The following FOCAD variants were observed in gnomAD, a reference collection of about 807,000 sequenced individuals.
FOCAD encodes the protein focadhesin.
A neutral mutation model predicts 225.6 loss-of-function variants in FOCAD; 198 were observed. The observed-to-expected ratio is 0.88, with a 90% CI of 0.78 to 0.99. FOCAD has a LOEUF of 0.99. Ranked by LOEUF, FOCAD falls within the 50% of genes least tolerant of loss-of-function variation. FOCAD has a pLI of 0.00. For missense variants in FOCAD, 2,713 were observed against 2,123.6 expected, an observed-to-expected ratio of 1.28 and a Z score of -5.46; for synonymous variants, 897 against 755.0, an observed-to-expected ratio of 1.19 and a Z score of -3.08.
intron 11 of FOCAD, among the ~76,000 whole-genome samples, chr9:20,802,897 G>A (rs1448659255): frequency 1.3e-5 from 2 of 152,108 alleles, no homozygotes; most frequent in Non-Finnish European, 2.9e-5. Context: ...TATCAGCAGG[G>A]ACTGGTACTT....
intron 4 of FOCAD, among the ~76,000 whole-genome samples, chr9:20,730,378 A>C (rs1213544923): frequency 6.6e-6 from 1 of 152,184 alleles, no homozygotes; most frequent in Non-Finnish European, 1.5e-5. Context: ...GGCAGGATAT[A>C]TATGTAATTC....
At chr9:20,937,580 A>T (rs1836124360) in intron 28 of FOCAD, among the ~76,000 whole-genome samples, 1 of 152,150 alleles carries the variant, frequency 6.6e-6, no homozygotes, top group Admixed American at 6.5e-5. Context: ...AAATTAATTC[A>T]AGATGGATTA....
intron 11 of FOCAD, among the ~76,000 whole-genome samples, chr9:20,797,053 C>T (rs1044682209): frequency 5.3e-5 from 8 of 152,174 alleles, no homozygotes; most frequent in African/African-American, 1.9e-4. Flanking sequence ...GTTTTCCCAC[C>T]ATCATTTATT....
chr9:20,937,326 C>G (rs1225360170), intron 28 of FOCAD, among the ~76,000 whole-genome samples: 15 of 151,508 alleles, frequency 9.9e-5, no homozygotes, highest in Non-Finnish European at 2.2e-4. Flanking sequence ...TGACTTCAAA[C>G]TATACTACAA....
intron 8 of FOCAD, among the ~76,000 whole-genome samples, chr9:20,775,169 T>C (rs567524533): frequency 6.6e-6 from 1 of 152,334 alleles, no homozygotes; most frequent in South Asian, 2.1e-4. Flanking sequence ...AAAATGGATT[T>C]ATTTCTTAGG....
chr9:20,986,165 G>A, intron 39 of FOCAD, 123 bp from the exon 40 acceptor site: 1 of 915,190 alleles, frequency 1.1e-6, no homozygotes, highest in Non-Finnish European at 1.5e-6. Context: ...GTCATGTGCT[G>A]CAGGAAATGA....
At chr9:20,951,501 A>C (rs541225478) in intron 34 of FOCAD, among the ~76,000 whole-genome samples, 2 of 152,274 alleles carry the variant, frequency 1.3e-5, no homozygotes, top group East Asian at 1.9e-4. Context: ...TAAAGCTTGG[A>C]ACAGATTTAT....
intron 2 of FOCAD, among the ~76,000 whole-genome samples, chr9:20,674,241 C>T (rs1245408569): frequency 6.6e-6 from 1 of 152,018 alleles, no homozygotes; most frequent in Non-Finnish European, 1.5e-5. Context: ...TATTTTTCTA[C>T]ATTTTATTAT....
In FOCAD at chr9:20,884,587, G is replaced by A. The variant is rs146680369; in HGVS notation, c.2504-522G>A. Among the ~76,000 whole-genome samples the A allele has an allele frequency of 7.2e-5, 11 of 151,988 alleles. No individual in the cohort carries two copies. The East Asian group carries it at 1.9e-3, about 27-fold the overall frequency. On this transcript the variant is annotated intron_variant, in intron 20 of 43. Transcript: ENST00000338382. ...GCTGGGATTACAGGTGTGAGCCACC[G>A]TGCCTGTCCCAATAGTATTTTAAAT...
intron 11 of FOCAD, among the ~76,000 whole-genome samples, chr9:20,797,099 T>C (rs1821200864): frequency 6.6e-6 from 1 of 152,166 alleles, no homozygotes; most frequent in South Asian, 2.1e-4. Context: ...TTGTTTTTTG[T>C]GAGGTCTGTC....
At chr9:20,789,888 C>G (rs1820344428) in intron 11 of FOCAD, among the ~76,000 whole-genome samples, 2 of 152,148 alleles carry the variant, frequency 1.3e-5, no homozygotes, top group South Asian at 4.2e-4. Flanking sequence ...GGTGGATTTG[C>G]TATTTTGTAA....
intron 12 of FOCAD, 79 bp from the exon 13 acceptor site, chr9:20,820,245 G>T (rs1824171476): frequency 1.1e-6 from 1 of 946,174 alleles, no homozygotes. Flanking sequence ...TATAACAAGG[G>T]GTTTAAAAAT....
intron 27 of FOCAD, among the ~76,000 whole-genome samples, chr9:20,930,366 A>G (rs1362329692): frequency 2.0e-5 from 3 of 152,358 alleles, no homozygotes; most frequent in African/African-American, 4.8e-5. Flanking sequence ...GTGGGCTACA[A>G]TATGAATACT....
chr9:20,719,381 C>A (rs192401564), intron 3 of FOCAD, among the ~76,000 whole-genome samples: 3 of 152,250 alleles, frequency 2.0e-5, no homozygotes, highest in Non-Finnish European at 4.4e-5. Context: ...CAGTGCCTGG[C>A]CTTGATTTTC....
intron 4 of FOCAD, among the ~76,000 whole-genome samples, chr9:20,730,052 G>A (rs1372320318): frequency 6.6e-6 from 1 of 152,176 alleles, no homozygotes; most frequent in Non-Finnish European, 1.5e-5. Flanking sequence ...AATATAAACT[G>A]TGTGCCCTGC....
chr9:20,706,826 G>A (rs181868402), intron 1 of FOCAD, among the ~76,000 whole-genome samples: 29 of 152,244 alleles, frequency 1.9e-4, no homozygotes, highest in Middle Eastern at 3.4e-3. Flanking sequence ...GTATGTAGCC[G>A]TGCAGCAAGC....
At chr9:20,702,096 A>G (rs1051066944) in intron 1 of FOCAD, among the ~76,000 whole-genome samples, 2 of 150,226 alleles carry the variant, frequency 1.3e-5, no homozygotes, top group African/African-American at 5.0e-5. Flanking sequence ...TATTATTGTT[A>G]TTGTTATTAT....
chr9:20,895,831 C>G (rs145952592), intron 21 of FOCAD, among the ~76,000 whole-genome samples: 551 of 151,920 alleles, frequency 3.6e-3, no homozygotes, highest in Admixed American at 5.8e-3. Flanking sequence ...AGACAATTTT[C>G]TTTCTTTCTT....
At chr9:20,867,233 AG>A (rs1284007028) in intron 18 of FOCAD, among the ~76,000 whole-genome samples, 1 of 151,870 alleles carries the variant, frequency 6.6e-6, no homozygotes, top group East Asian at 1.9e-4. Context: ...AATCTTCTTA[AG>A]GTGACTGGGT....
Sources: gnomAD v4.1 joint callset for allele counts (sites outside exome capture counted in the v4.1 genomes callset) on GRCh38, gnomAD v4.1.1 for gene constraint, MANE v1.5 for transcripts, NCBI Gene and HGNC (gene_info 2026-07-23, HGNC 2026-07-21) for gene names.